SOX6: variants seen among roughly 807,000 people sequenced by gnomAD.
SOX6 encodes transcription factor SOX-6.
In SOX6, 11 loss-of-function variants were observed where a neutral mutation model predicts 97.8. That is an observed-to-expected ratio of 0.11 (90% CI 0.07 to 0.19). SOX6 has a LOEUF of 0.19. Ranked by LOEUF, SOX6 falls within the 10% of genes least tolerant of loss-of-function variation. The pLI is 1.00. For missense variants in SOX6, 810 were observed against 1,039.5 expected (o/e 0.78, Z 3.04); for synonymous variants, 360 against 371.4 (o/e 0.97, Z 0.35).
chr11:16,383,474 A>G (rs1442935513), intron 1 of SOX6, among the ~76,000 whole-genome samples: 1 of 151,882 alleles, frequency 6.6e-6, no homozygotes, highest in African/African-American at 2.4e-5. Context: ...ACCACTTACC[A>G]ATAATATAAT....
chr11:16,638,697 T>G (rs1356128081), intron 3 of SOX6, among the ~76,000 whole-genome samples: 2 of 152,212 alleles, frequency 1.3e-5, no homozygotes, highest in Non-Finnish European at 2.9e-5. Flanking sequence ...TCATGTGTCT[T>G]TTGGCTGCAT....
intron 3 of SOX6, among the ~76,000 whole-genome samples, chr11:16,261,433 A>C (rs1165722039): frequency 6.6e-6 from 1 of 152,072 alleles, no homozygotes; most frequent in Admixed American, 6.6e-5. Flanking sequence ...TTTTTAATGT[A>C]ACAAAAGGTT....
In SOX6 at chr11:16,317,163, C is replaced by CATAAA. The variant is rs1307708541; in HGVS notation, c.445+1278_445+1282dup. 3 of 151,322 alleles carry CATAAA rather than the reference C, an allele frequency of 2.0e-5. No homozygotes were observed. The East Asian group carries it at 5.9e-4, about 30-fold the overall frequency. 9.4% of individuals were successfully genotyped at this position (151,322 alleles called of 1,614,324 possible). On this transcript the variant is annotated intron_variant, in intron 3 of 15. Coordinates refer to ENST00000683767, the MANE Select transcript of SOX6 (RefSeq NM_001367873.1). Reference sequence around the variant, plus strand: ...TTAAGTTTCATAATTGAAAAATAACCATAAAATCAAAGTGCTAATAATCTC... The same window carrying CATAAA: ...TTAAGTTTCATAATTGAAAAATAACCATAAAATAAAATCAAAGTGCTAATAATCTC...
intron 1 of SOX6, among the ~76,000 whole-genome samples, chr11:16,347,054 C>G (rs574345551): frequency 1.3e-5 from 2 of 152,026 alleles, no homozygotes; most frequent in Non-Finnish European, 2.9e-5. Flanking sequence ...TGGACTAGAG[C>G]TCATATGTCT....
At chr11:15,984,831 C>T (rs139866338) in intron 15 of SOX6, among the ~76,000 whole-genome samples, 1 of 152,260 alleles carries the variant, frequency 6.6e-6, no homozygotes, top group East Asian at 1.9e-4. Flanking sequence ...ATAGGAAATA[C>T]ATATTAAATA....
chr11:16,371,145 C>T (rs1857484641), intron 1 of SOX6, among the ~76,000 whole-genome samples: 1 of 151,896 alleles, frequency 6.6e-6, no homozygotes, highest in Non-Finnish European at 1.5e-5. Flanking sequence ...CCTATTATTT[C>T]CCCCCTTCAC....
chr11:16,012,063 G>A (rs576408088), intron 13 of SOX6, among the ~76,000 whole-genome samples: 217 of 152,092 alleles, frequency 1.4e-3, no homozygotes, highest in Middle Eastern at 3.4e-3. Context: ...CTAGTTTAGG[G>A]GCTGGCACAT....
intron 6 of SOX6, among the ~76,000 whole-genome samples, chr11:16,134,466 G>A (rs891522962): frequency 5.9e-5 from 9 of 152,162 alleles, no homozygotes; most frequent in Non-Finnish European, 1.2e-4. Flanking sequence ...ATTGTTCTTT[G>A]CTTTATTGCA....
intron 12 of SOX6, among the ~76,000 whole-genome samples, chr11:16,033,468 C>T (rs1313212609): frequency 6.6e-6 from 1 of 152,120 alleles, no homozygotes; most frequent in Non-Finnish European, 1.5e-5. Flanking sequence ...TATTTCATTC[C>T]TGATGTTTGC....
intron 10 of SOX6, among the ~76,000 whole-genome samples, chr11:16,054,757 G>T (rs1847773498): frequency 6.6e-6 from 1 of 152,108 alleles, no homozygotes; most frequent in Admixed American, 6.6e-5. Flanking sequence ...TAAAGCATTT[G>T]TACTTAGCAT....
intron 6 of SOX6, among the ~76,000 whole-genome samples, chr11:16,133,998 A>G (rs1331785505): frequency 6.6e-6 from 1 of 152,208 alleles, no homozygotes; most frequent in Admixed American, 6.5e-5. Context: ...ATACAGTTTT[A>G]AGCCACTATG....
chr11:16,643,504 C>T (rs977095176), intron 3 of SOX6, among the ~76,000 whole-genome samples: 11 of 152,206 alleles, frequency 7.2e-5, no homozygotes, highest in South Asian at 2.1e-4. Flanking sequence ...TATGCCCTGC[C>T]CCCAGAGGTG....
intron 2 of SOX6, among the ~76,000 whole-genome samples, chr11:16,731,118 CA>C (rs1480591343): frequency 1.3e-5 from 2 of 151,702 alleles, no homozygotes; most frequent in East Asian, 1.9e-4. Flanking sequence ...AGCCTACCAA[CA>C]AAAAGAAGCC....
Position 16,174,491 on chromosome 11 carries a change from T to C in SOX6, c.777+9395A>G, listed in dbSNP as rs192245043. ...AATCCATGACTCTAACATTAATAAC[T>C]TTGAGTGGGAAGTTACTATATGTGA... is the stretch of plus-strand genomic sequence containing the variant. On this transcript the variant is annotated intron_variant, in intron 6 of 15. Transcript: ENST00000683767. 2.6e-3 allele frequency among the ~76,000 whole-genome samples: 392 copies of C among 152,062 alleles called. 1 individual carries two copies. Among genetic ancestry groups the C allele is most frequent in the Middle Eastern group, 0.017 (5 of 294 alleles).
rs941337441 is a variant in SOX6, at chr11:16,695,843, C to A, written n.429+18987G>T. On this transcript the variant is annotated intron_variant and non_coding_transcript_variant, in intron 3 of 5. Transcript: ENST00000524520. The stretch of plus-strand genomic sequence containing the variant: ...TCTCTACCAATAAGAAAAAAAAAAA[C>A]ACACACACACACAATTAGCCAGGCC... 6.6e-4 allele frequency among the ~76,000 whole-genome samples: 99 copies of A among 151,034 alleles called. No homozygotes were observed. The East Asian group carries it at 9.0e-3, about 14-fold the overall frequency.
chr11:16,173,724 G>A (rs1300537096), intron 6 of SOX6, among the ~76,000 whole-genome samples: 1 of 150,888 alleles, frequency 6.6e-6, no homozygotes, highest in Non-Finnish European at 1.5e-5. Flanking sequence ...AAAAACTAGA[G>A]CAAGAAAAGT....
At chr11:16,189,168 G>A (rs16932698) in intron 4 of SOX6, among the ~76,000 whole-genome samples, 1,558 of 152,266 alleles carry the variant, frequency 0.01, 26 homozygotes, top group African/African-American at 0.035. Flanking sequence ...AATGTTCTGT[G>A]GGAGTTTAAC....
At chr11:16,167,634 T>C (rs977482017) in intron 6 of SOX6, among the ~76,000 whole-genome samples, 2 of 152,188 alleles carry the variant, frequency 1.3e-5, no homozygotes, top group Non-Finnish European at 2.9e-5. Flanking sequence ...GCTCCTTAGC[T>C]AAAGCTAGCA....
chr11:16,132,810 C>G (rs1849855231), intron 6 of SOX6, among the ~76,000 whole-genome samples: 1 of 151,880 alleles, frequency 6.6e-6, no homozygotes, highest in Admixed American at 6.6e-5. Context: ...ACAAAATCCA[C>G]CAAGTACTGC....
Sources: allele counts gnomAD v4.1 joint callset (sites outside exome capture counted in the v4.1 genomes callset), GRCh38; gene constraint gnomAD v4.1.1; transcripts MANE v1.5; gene names NCBI Gene and HGNC (gene_info 2026-07-23, HGNC 2026-07-21).